The following PIK3R2 variants were observed in gnomAD, a reference collection of about 807,000 sequenced individuals.
PIK3R2 encodes phosphoinositide-3-kinase regulatory subunit 2.
PIK3R2 carries 40 observed loss-of-function variants against 78.5 expected under a neutral mutation model. That is an observed-to-expected ratio of 0.51 (90% CI 0.40 to 0.66). The LOEUF (loss-of-function observed/expected upper bound fraction) is 0.66, where lower values mean the gene tolerates loss of function less well. Ranked by LOEUF, PIK3R2 falls within the 30% of genes least tolerant of loss-of-function variation. The probability of loss-of-function intolerance (pLI) is 0.00; values close to 1 mark genes in which losing one functional copy is unlikely to be tolerated. For missense variants in PIK3R2, 880 were observed against 1,026.6 expected (o/e 0.86, Z 1.95); for synonymous variants, 473 against 457.7 (o/e 1.03, Z -0.43).
Position 18,160,532 on chromosome 19 carries a change from G to A in PIK3R2, c.384G>A (p.Leu128=). Residue 128 remains leucine (L), a synonymous_variant, in exon 3 of 16, where the codon CTG becomes CTA. Transcript: ENST00000222254. The part of the protein sequence containing the change: ...FSPPDVAPPL[L]VKLVEAIERT... The stretch of plus-strand genomic sequence containing the variant: ...CACCTGATGTGGCTCCCCCTCTTCT[G>A]GTGAAGCTTGTGGAGGCCATTGAAA... The A allele has an allele frequency of 6.2e-7, 1 of 1,613,884 alleles. No homozygotes were observed. Among genetic ancestry groups the A allele is most frequent in the Non-Finnish European group, 8.5e-7 (1 of 1,179,842 alleles).
Position 18,168,701 on chromosome 19 carries a change from T to TGCCCCCCCCCCCC in PIK3R2, c.1809-25_1809-24insGCCCCCCCCCCCC. On this transcript the variant is annotated intron_variant, in intron 14 of 15. Coordinates refer to ENST00000222254, the MANE Select transcript of PIK3R2 (RefSeq NM_005027.4). This position sits in a 1 kb window ranked among gnomAD's most constrained non-coding sequence, Gnocchi z 4.1. Reference sequence around the variant, plus strand: ...GCTGGCAGGTGAGTGACCAGGGCCCTCCCCGCCACCGCCCCCCACCCCAGC... The same window carrying TGCCCCCCCCCCCC: ...GCTGGCAGGTGAGTGACCAGGGCCCTGCCCCCCCCCCCCCCCCGCCACCGCCCCCCACCCCAGC... 6.4e-7 allele frequency: 1 copy of TGCCCCCCCCCCCC among 1,563,906 alleles called. No homozygotes were observed. Among genetic ancestry groups the TGCCCCCCCCCCCC allele is most frequent in the Non-Finnish European group, 8.8e-7 (1 of 1,137,492 alleles).
Position 18,161,160 on chromosome 19 carries a change from G to A in PIK3R2, c.573G>A (p.Ser191=). ...LPAPLVTPEA[S]AEARRALREA... ...CGCCGCTCGTGACCCCCGAGGCCTC[G>A]GCCGAGGCGCGCCGGGCCCTGCGGG... The change falls in exon 5 of 16, where the codon TCG becomes TCA. Residue 191 remains serine (S), a synonymous_variant. Coordinates refer to ENST00000222254, the MANE Select transcript of PIK3R2 (RefSeq NM_005027.4). The surrounding 1 kb of genome is among the most constrained non-coding windows in gnomAD (Gnocchi z 5.3). 6.5e-7 allele frequency: 1 copy of A among 1,548,722 alleles called. No homozygotes were observed. The highest frequency in any genetic ancestry group is 8.7e-7 in the Non-Finnish European group (1 of 1,146,888).
Position 18,168,924 on chromosome 19 carries a change from C to T in PIK3R2, c.1979+28C>T, listed in dbSNP as rs778040637. 2.7e-5 allele frequency: 43 copies of T among 1,598,526 alleles called. No individual in the cohort carries two copies. The highest frequency in any genetic ancestry group is 3.6e-5 in the Non-Finnish European group (42 of 1,172,250). On this transcript the variant is annotated intron_variant, in intron 15 of 15. Coordinates refer to ENST00000222254, the MANE Select transcript of PIK3R2 (RefSeq NM_005027.4). The surrounding 1 kb of genome is among the most constrained non-coding windows in gnomAD (Gnocchi z 4.1). Reference sequence around the variant, plus strand: ...GAGTGGACCGCAGCGGTGGGGATTCCCGCGTCCCTCCCAGAGCTCTCATTG... The same window carrying T: ...GAGTGGACCGCAGCGGTGGGGATTCTCGCGTCCCTCCCAGAGCTCTCATTG...
At position 18,169,202 on chromosome 19, in the gene PIK3R2, G is replaced by A. The variant is rs1438495093; in HGVS notation, c.2095G>A (p.Ala699Thr). 16 of 1,606,872 alleles carry A rather than the reference G, an allele frequency of 1.0e-5. No individual in the cohort carries two copies. The highest frequency in any genetic ancestry group is 1.4e-5 in the Non-Finnish European group (16 of 1,179,418). The change falls in exon 16 of 16, where the codon GCC (alanine) becomes ACC (threonine). Residue 699 changes from alanine (A) to threonine (T), a missense_variant. Ala to Thr is a moderately conservative substitution (Grantham distance 58). Around this residue, in one of 3 missense-constraint regions of PIK3R2, gnomAD observed 268 missense variants for 299.1 expected, o/e 0.90. Coordinates refer to ENST00000222254, the MANE Select transcript of PIK3R2 (RefSeq NM_005027.4). ...LKELVLHYQH[A>T]SLVQHNDALT... Reference sequence around the variant, plus strand: ...GGAGCTGGTGCTGCACTACCAGCACGCCTCGCTGGTGCAGCACAACGACGC... The same window carrying A: ...GGAGCTGGTGCTGCACTACCAGCACACCTCGCTGGTGCAGCACAACGACGC...
rs373347268 is a variant in PIK3R2 at position 18,166,146 on chromosome 19, G to A, written c.1417-14G>A. 1.1e-5 allele frequency: 18 copies of A among 1,613,484 alleles called. No homozygotes were observed. Among genetic ancestry groups the A allele is most frequent in the Admixed American group, 3.3e-5 (2 of 59,986 alleles). On this transcript the variant is annotated splice_polypyrimidine_tract_variant and intron_variant, in intron 11 of 15. Coordinates refer to ENST00000222254, the MANE Select transcript of PIK3R2 (RefSeq NM_005027.4). The stretch of plus-strand genomic sequence containing the variant: ...GGAGTCCCAGGAGGTGCTGAGCTGC[G>A]CCCCCTCCTCCAGGAGCTGCAGATG...
At position 18,160,415 on chromosome 19, in the gene PIK3R2, G is replaced by A. The variant is rs1289975624; in HGVS notation, c.323-56G>A. ...TGAGGTTCAGCCAGCAAAGAGAGGGGCTGGGCTCCTTCCAGGAACCCCACC... is the reference window on the plus strand; with the variant it reads ...TGAGGTTCAGCCAGCAAAGAGAGGGACTGGGCTCCTTCCAGGAACCCCACC... On this transcript the variant is annotated intron_variant, in intron 2 of 15. Transcript: ENST00000222254. 3.9e-5 allele frequency: 42 copies of A among 1,063,886 alleles called. No homozygotes were observed. The East Asian group carries it at 1.0e-3, about 25-fold the overall frequency. The allele number at this position is 1,063,886 out of a possible 1,614,324, so 65.9% of individuals were successfully genotyped here.
chr19:18,160,810 T>C, intron 3 of PIK3R2, 109 bp from the exon 4 acceptor site: 1 of 1,350,470 alleles, frequency 7.4e-7, no homozygotes, highest in Admixed American at 2.0e-5. Context: ...CCCATGCCCT[T>C]ATCTCTGGGC....
chr19:18,154,487 T>C (rs937896516), intron 1 of PIK3R2, among the ~76,000 whole-genome samples: 3 of 152,178 alleles, frequency 2.0e-5, no homozygotes, highest in Non-Finnish European at 4.4e-5. Context: ...GTCCATTTGC[T>C]TGGACTCACC....
rs367971686 is a variant in PIK3R2 at position 18,156,181 on chromosome 19, G to A, written c.302G>A (p.Arg101His). Residue 101 changes from arginine (R) to histidine (H), a missense_variant, in exon 2 of 16, where the codon CGT (arginine) becomes CAT (histidine). Arg to His is a conservative substitution (Grantham distance 29). This residue lies in a region of PIK3R2 where 456 missense variants were observed against 486.6 expected (regional missense o/e 0.94). Coordinates refer to ENST00000222254, the MANE Select transcript of PIK3R2 (RefSeq NM_005027.4). The surrounding 1 kb of genome is among the most constrained non-coding windows in gnomAD (Gnocchi z 4.2). ...RGPRPLPARPRDGAPEPGLTL... is the reference protein window; with the variant it reads ...RGPRPLPARPHDGAPEPGLTL... ...CCCCGCCCACTGCCCGCCAGGCCCC[G>A]TGATGGGGCCCCTGAGCCAGGTGAG... 3.6e-4 allele frequency: 527 copies of A among 1,458,996 alleles called. No homozygotes were observed. Among genetic ancestry groups the A allele is most frequent in the Non-Finnish European group, 4.2e-4 (471 of 1,111,414 alleles). The allele number at this position is 1,458,996 out of a possible 1,614,324, so 90.4% of individuals were successfully genotyped here. A position where few individuals can be genotyped will look rare whatever the true frequency, so the allele number is the denominator to read the frequency against.
intron 11 of PIK3R2, among the ~76,000 whole-genome samples, chr19:18,164,146 A>G (rs1165526856): frequency 1.3e-5 from 2 of 152,120 alleles, no homozygotes; most frequent in Non-Finnish European, 2.9e-5. Context: ...TAATAATTAA[A>G]ATAAAAAAAT....
rs1473370099 is a variant in PIK3R2 at position 18,161,318 on chromosome 19, C to T, written c.638C>T (p.Thr213Met). ...GPVGPALEPP[T>M]LPLHRALTLR... The stretch of plus-strand genomic sequence containing the variant: ...GTGGGGCCGGCGCTGGAGCCACCGA[C>T]GCTGCCGCTGCACCGCGCGCTCACG... Residue 213 changes from threonine (T) to methionine (M), a missense_variant, in exon 6 of 16, where the codon ACG (threonine) becomes ATG (methionine). By Grantham distance (81) the Thr-to-Met change is moderately conservative (BLOSUM62 -1). Coordinates refer to ENST00000222254, the MANE Select transcript of PIK3R2 (RefSeq NM_005027.4). This position sits in a 1 kb window ranked among gnomAD's most constrained non-coding sequence, Gnocchi z 5.3. 1.5e-6 allele frequency: 2 copies of T among 1,351,602 alleles called. No individual in the cohort carries two copies. Among genetic ancestry groups the T allele is most frequent in the Admixed American group, 4.0e-5 (1 of 25,244 alleles). 83.7% of individuals were successfully genotyped at this position (1,351,602 alleles called of 1,614,324 possible). A position where few individuals can be genotyped will look rare whatever the true frequency, so the allele number is the denominator to read the frequency against.
At chr19:18,165,490 C>A (rs62123617) in intron 11 of PIK3R2, among the ~76,000 whole-genome samples, 49,127 of 151,924 alleles carry the variant, frequency 0.32, 8,665 homozygotes, top group Middle Eastern at 0.41. Flanking sequence ...GCCAAGATCA[C>A]GCCACTGCTC....
rs540489523 is a variant in PIK3R2 at position 18,156,982 on chromosome 19, G to A, written c.322+781G>A. ...CTGCATGCTCGGCATGGTCTGCTCC[G>A]ACCCTCCCAGCAGCCCAGCAAAAGG... On this transcript the variant is annotated intron_variant, in intron 2 of 15. Transcript: ENST00000222254. The surrounding 1 kb of genome is among the most constrained non-coding windows in gnomAD (Gnocchi z 4.2). Among the ~76,000 whole-genome samples, 3 of 152,134 alleles carry A rather than the reference G, an allele frequency of 2.0e-5. No individual in the cohort carries two copies. The highest frequency in any genetic ancestry group is 4.4e-5 in the Non-Finnish European group (3 of 68,016).
At chr19:18,160,378 A>C in intron 2 of PIK3R2, 93 bp from the exon 3 acceptor site, 1 of 804,168 alleles carries the variant, frequency 1.2e-6, no homozygotes, top group South Asian at 1.5e-5. Context: ...CCCTGCCTCA[A>C]ACTGCCCCAG....
chr19:18,159,735 G>A (rs1056330583), intron 2 of PIK3R2, among the ~76,000 whole-genome samples: 7 of 151,706 alleles, frequency 4.6e-5, no homozygotes, highest in African/African-American at 9.7e-5. Flanking sequence ...ATGAGCCACC[G>A]CACCCGGCCT....
At position 18,161,882 on chromosome 19, in the gene PIK3R2, C is replaced by A; in HGVS notation, c.816-84C>A. On this transcript the variant is annotated intron_variant, in intron 6 of 15. Transcript: ENST00000222254. The surrounding 1 kb of genome is among the most constrained non-coding windows in gnomAD (Gnocchi z 5.3). ...ATACTGTCTCGTATATACCCCCAGG[C>A]GTGCAAGCGCACGCACAATCCTGTG... The A allele has an allele frequency of 9.0e-7, 1 of 1,116,806 alleles. No individual in the cohort carries two copies. The highest frequency in any genetic ancestry group is 1.4e-6 in the Non-Finnish European group (1 of 734,386). The allele number at this position is 1,116,806 out of a possible 1,614,324, so 69.2% of individuals were successfully genotyped here.
Position 18,168,395 on chromosome 19 carries a change from C to A in PIK3R2, c.1737-80C>A. 1.4e-6 allele frequency: 1 copy of A among 734,088 alleles called. No homozygotes were observed. Among genetic ancestry groups the A allele is most frequent in the South Asian group, 1.4e-5 (1 of 69,996 alleles). 45.5% of individuals were successfully genotyped at this position (734,088 alleles called of 1,614,324 possible). On this transcript the variant is annotated intron_variant, in intron 13 of 15. Transcript: ENST00000222254. This position sits in a 1 kb window ranked among gnomAD's most constrained non-coding sequence, Gnocchi z 4.1. Reference sequence around the variant, plus strand: ...CAGAACCCTCTCTCCTCAGCCAGACCCTGCCTCCCACCGGACAGGCCCACT... The same window carrying A: ...CAGAACCCTCTCTCCTCAGCCAGACACTGCCTCCCACCGGACAGGCCCACT...
At position 18,169,207 on chromosome 19, in the gene PIK3R2, G is replaced by A. The variant is rs1460721678; in HGVS notation, c.2100G>A (p.Ser700=). Reference sequence around the variant, plus strand: ...TGGTGCTGCACTACCAGCACGCCTCGCTGGTGCAGCACAACGACGCGCTCA... The same window carrying A: ...TGGTGCTGCACTACCAGCACGCCTCACTGGTGCAGCACAACGACGCGCTCA... ...KELVLHYQHA[S]LVQHNDALTV... The change falls in exon 16 of 16, where the codon TCG becomes TCA. Residue 700 remains serine (S), a synonymous_variant. Transcript: ENST00000222254. 1 of 1,605,994 alleles carries A rather than the reference G, an allele frequency of 6.2e-7. No individual in the cohort carries two copies. The highest frequency in any genetic ancestry group is 8.5e-7 in the Non-Finnish European group (1 of 1,179,440).
rs370606092 is a variant in PIK3R2, at chr19:18,166,313, C to T, written c.1559+11C>T. 18 of 1,611,374 alleles carry T rather than the reference C, an allele frequency of 1.1e-5. No individual in the cohort carries two copies. The East Asian group carries it at 1.6e-4, about 14-fold the overall frequency. On this transcript the variant is annotated intron_variant, in intron 12 of 15. Transcript: ENST00000222254. The stretch of plus-strand genomic sequence containing the variant: ...GAAAGAGATGCAAAGGTGAGTCTGG[C>T]GCCTCTGCCCTGCCCCACCCCACCC...
Sources: gnomAD v4.1 joint callset for allele counts (sites outside exome capture counted in the v4.1 genomes callset) on GRCh38, gnomAD v4.1.1 for gene constraint, gnomAD v4.1.1 regional missense constraint, Gnocchi (gnomAD v3.1) non-coding constraint, MANE v1.5 for transcripts, NCBI Gene and HGNC (gene_info 2026-07-23, HGNC 2026-07-21) for gene names.